ZFAT: variants seen among roughly 807,000 people sequenced by gnomAD.
The protein encoded by ZFAT is zinc finger and AT-hook domain containing.
In ZFAT, 64 loss-of-function variants were observed where a neutral mutation model predicts 117.7. The observed-to-expected ratio is 0.54, with a 90% CI of 0.44 to 0.67. ZFAT has a LOEUF of 0.67. Among genes scored for constraint, ZFAT ranks in the 30% least tolerant of loss-of-function variants. The probability of loss-of-function intolerance (pLI) is 0.00; values close to 1 mark genes in which losing one functional copy is unlikely to be tolerated. For missense variants in ZFAT, 1,433 were observed against 1,584.5 expected (o/e 0.90, Z 1.62); for synonymous variants, 679 against 615.0 (o/e 1.10, Z -1.54).
At chr8:134,695,719 G>A (rs1042557396) in intron 1 of ZFAT, among the ~76,000 whole-genome samples, 10 of 148,004 alleles carry the variant, frequency 6.8e-5, no homozygotes, top group South Asian at 2.2e-4. Context: ...CCAAGGAGGC[G>A]CTGCCCCCAG....
the ZFAT span, among the ~76,000 whole-genome samples, chr8:134,756,767 C>A: frequency 6.6e-6 from 1 of 152,242 alleles, no homozygotes; most frequent in African/African-American, 2.4e-5. Context: ...TGCTCCAGAG[C>A]TCCCTGCAGG....
intron 7 of ZFAT, chr8:134,600,204 A>G: frequency 1.8e-6 from 1 of 556,974 alleles, no homozygotes; most frequent in Non-Finnish European, 3.2e-6. Flanking sequence ...TGCTAAAAAA[A>G]TTTGCACAGG....
chr8:134,515,456 T>C (rs1820185335), intron 13 of ZFAT, among the ~76,000 whole-genome samples: 1 of 152,218 alleles, frequency 6.6e-6, no homozygotes, highest in Non-Finnish European at 1.5e-5. Flanking sequence ...TTTCTCCACA[T>C]CCTCTCCACC....
intron 1 of ZFAT, among the ~76,000 whole-genome samples, chr8:134,709,481 T>C (rs1391799811): frequency 2.0e-5 from 3 of 152,138 alleles, no homozygotes; most frequent in African/African-American, 7.2e-5. Flanking sequence ...TCCTAAATGT[T>C]CCAGCCCTTA....
At chr8:134,671,767 G>A (rs1832573347) in intron 1 of ZFAT, among the ~76,000 whole-genome samples, 1 of 152,194 alleles carries the variant, frequency 6.6e-6, no homozygotes, top group African/African-American at 2.4e-5. Context: ...AATCAGGCAG[G>A]ACAAAGAAAT....
intron 1 of ZFAT, among the ~76,000 whole-genome samples, chr8:134,667,204 T>C (rs1166286793): frequency 6.6e-6 from 1 of 152,046 alleles, no homozygotes; most frequent in Admixed American, 6.6e-5. Context: ...AAAACATAGA[T>C]GACAGGTGGC....
the ZFAT span, among the ~76,000 whole-genome samples, chr8:134,772,705 T>C: frequency 1.3e-5 from 2 of 152,128 alleles, no homozygotes; most frequent in Non-Finnish European, 2.9e-5. Context: ...AAAACAGCCT[T>C]CTCTTGGAAC....
intron 3 of ZFAT, among the ~76,000 whole-genome samples, chr8:134,615,264 G>A (rs1035770147): frequency 5.9e-5 from 9 of 152,166 alleles, no homozygotes; most frequent in African/African-American, 1.7e-4. Context: ...TTGGCTGACT[G>A]CAACCTCCAC....
At chr8:134,624,859 T>C (rs1204178398) in intron 3 of ZFAT, among the ~76,000 whole-genome samples, 1 of 150,806 alleles carries the variant, frequency 6.6e-6, no homozygotes, top group Non-Finnish European at 1.5e-5. Flanking sequence ...TTAGTTCATA[T>C]GCATTCATTT....
intron 1 of ZFAT, among the ~76,000 whole-genome samples, chr8:134,704,483 T>C (rs1834095625): frequency 6.6e-6 from 1 of 152,178 alleles, no homozygotes; most frequent in Admixed American, 6.5e-5. Context: ...TCTGAACTAT[T>C]TCTCTAAATC....
chr8:134,513,495 A>G (rs1820014204), intron 13 of ZFAT, among the ~76,000 whole-genome samples: 1 of 152,198 alleles, frequency 6.6e-6, no homozygotes, highest in African/African-American at 2.4e-5. Flanking sequence ...TTCGAACATG[A>G]AAGTGTAAGA....
At chr8:134,739,639 T>A in the ZFAT span, among the ~76,000 whole-genome samples, 1 of 152,138 alleles carries the variant, frequency 6.6e-6, no homozygotes, top group African/African-American at 2.4e-5. Context: ...CCTTTGCCCT[T>A]AAGGAGCTCC....
Position 134,509,618 on chromosome 8 carries a change from C to T in ZFAT, c.3492+1G>A. The T allele has an allele frequency of 6.2e-7, 1 of 1,613,434 alleles. No homozygotes were observed. Among genetic ancestry groups the T allele is most frequent in the Non-Finnish European group, 8.5e-7 (1 of 1,179,750 alleles). ...AATAGTTACAGAAGGAGGGTCCCTA[C>T]CTGCTTAACCACAGTCACCGTCCCT... On this transcript the variant is annotated splice_donor_variant, in intron 15 of 15. Coordinates refer to ENST00000377838, the MANE Select transcript of ZFAT (RefSeq NM_020863.4). LOFTEE classifies it high-confidence loss of function.
At chr8:134,755,817 CAAAAA>C in the ZFAT span, among the ~76,000 whole-genome samples, 1 of 90,020 alleles carries the variant, frequency 1.1e-5, no homozygotes. Flanking sequence ...GACTCCATCT[CAAAAA>C]AAAAAAAAAA....
the ZFAT span, among the ~76,000 whole-genome samples, chr8:134,748,006 ATCAGAAATATCTGGGGTT>A: frequency 6.6e-5 from 10 of 152,236 alleles, no homozygotes; most frequent in Admixed American, 2.0e-4. Context: ...TGTCCATAAT[ATCAGAAATATCTGGGGTT>A]TCAGAAATAT....
chr8:134,492,000 T>C (rs1322411254), intron 15 of ZFAT, among the ~76,000 whole-genome samples: 1 of 151,630 alleles, frequency 6.6e-6, no homozygotes, highest in Non-Finnish European at 1.5e-5. Context: ...GTTAGGACAC[T>C]AGAGTTTTTT....
intron 1 of ZFAT, among the ~76,000 whole-genome samples, chr8:134,712,483 C>A (rs530887892): frequency 6.7e-6 from 1 of 148,244 alleles, no homozygotes; most frequent in Non-Finnish European, 1.5e-5. Flanking sequence ...AAGGAAGCCC[C>A]GCCAAGGTCC....
At chr8:134,638,556 AAAACAAAAC>A (rs1261979606) in intron 2 of ZFAT, among the ~76,000 whole-genome samples, 9 of 25,392 alleles carry the variant, frequency 3.5e-4, no homozygotes, top group Non-Finnish European at 5.6e-4. Context: ...ATACAAAAAA[AAAACAAAAC>A]AAAAAAAAAA....
chr8:134,491,815 C>G (rs908956628), intron 15 of ZFAT, among the ~76,000 whole-genome samples: 1 of 152,200 alleles, frequency 6.6e-6, no homozygotes, highest in African/African-American at 2.4e-5. Context: ...CCTTAATTCC[C>G]GCTTGCCATG....
Sources: allele counts gnomAD v4.1 joint callset (sites outside exome capture counted in the v4.1 genomes callset), GRCh38; gene constraint gnomAD v4.1.1; transcripts MANE v1.5; gene names NCBI Gene and HGNC (gene_info 2026-07-23, HGNC 2026-07-21).